The following KIF6 variants were observed in gnomAD, a reference collection of about 807,000 sequenced individuals.
KIF6 encodes kinesin-like protein KIF6.
Under a neutral mutation model 112.7 loss-of-function variants are expected in KIF6, and 106 were observed. The observed-to-expected ratio is 0.94, with a 90% CI of 0.80 to 1.11. KIF6 has a LOEUF of 1.11. KIF6 is among the 50% of genes least tolerant of loss of function. KIF6 has a pLI of 0.00. For missense variants in KIF6, 929 were observed against 964.0 expected (o/e 0.96, Z 0.48); for synonymous variants, 339 against 339.9 (o/e 1.00, Z 0.03).
Position 39,343,067 on chromosome 6 carries a change from G to A in KIF6, c.2428+642C>T, listed in dbSNP as rs1158152131. The A allele has an allele frequency of 2.0e-6, 2 of 985,428 alleles. No homozygotes were observed. Among genetic ancestry groups the A allele is most frequent in the Non-Finnish European group, 2.4e-6 (2 of 829,932 alleles). The allele number at this position is 985,428 out of a possible 1,614,324, so 61.0% of individuals were successfully genotyped here. ...GGGCCCTGGGGCTTGCCCTGTGGGT[G>A]TGTTGGGGATGGAAGGCAGAAAGAG... is the stretch of plus-strand genomic sequence containing the variant. On this transcript the variant is annotated intron_variant, in intron 22 of 22. Coordinates refer to ENST00000287152, the MANE Select transcript of KIF6 (RefSeq NM_145027.6). The surrounding 1 kb of genome is among the most constrained non-coding windows in gnomAD (Gnocchi z 4.1).
At chr6:39,494,480 G>A (rs113423240) in intron 13 of KIF6, among the ~76,000 whole-genome samples, 2 of 152,076 alleles carry the variant, frequency 1.3e-5, no homozygotes, top group South Asian at 4.2e-4. Context: ...CTAGAGAAGA[G>A]GTAGATACTT....
At chr6:39,401,727 GCTA>G (rs1296152045) in intron 15 of KIF6, among the ~76,000 whole-genome samples, 5 of 152,136 alleles carry the variant, frequency 3.3e-5, no homozygotes, top group African/African-American at 1.2e-4. Flanking sequence ...GTGAAGTCAT[GCTA>G]GTGTGCACAT....
intron 13 of KIF6, among the ~76,000 whole-genome samples, chr6:39,443,967 T>C (rs915386199): frequency 3.3e-5 from 5 of 152,248 alleles, no homozygotes; most frequent in Non-Finnish European, 7.3e-5. Context: ...ACAGGCACTG[T>C]TCCATATTTC....
At chr6:39,530,229 C>A (rs1777968559) in intron 13 of KIF6, among the ~76,000 whole-genome samples, 1 of 152,196 alleles carries the variant, frequency 6.6e-6, no homozygotes. Context: ...CAGGCTACAG[C>A]TTTGGCTTTC....
intron 12 of KIF6, among the ~76,000 whole-genome samples, chr6:39,540,814 T>G (rs9357311): frequency 0.043 from 6,614 of 152,328 alleles, 329 homozygotes; most frequent in East Asian, 0.27. Context: ...GTCTCAAATG[T>G]AACAGAAAAG....
chr6:39,593,784 T>C (rs1782083483), intron 7 of KIF6, among the ~76,000 whole-genome samples: 1 of 152,196 alleles, frequency 6.6e-6, no homozygotes, highest in Admixed American at 6.5e-5. Context: ...TTCATTCCTC[T>C]GCGTGGTATC....
chr6:39,453,096 TCCAGAGATGGATCTA>T (rs1772808378), intron 13 of KIF6, among the ~76,000 whole-genome samples: 1 of 152,208 alleles, frequency 6.6e-6, no homozygotes, highest in Non-Finnish European at 1.5e-5. Context: ...ACAAATGTGA[TCCAGAGATGGATCTA>T]CAATGTATGA....
At chr6:39,619,721 G>T (rs968633924) in intron 5 of KIF6, among the ~76,000 whole-genome samples, 7 of 152,132 alleles carry the variant, frequency 4.6e-5, no homozygotes, top group Non-Finnish European at 8.8e-5. Context: ...ACCATACTAG[G>T]TGCAATTAAT....
rs529251571 is a variant in KIF6 at position 39,336,470 on chromosome 6, G to T, written c.*62C>A. The T allele has an allele frequency of 6.6e-7, 1 of 1,518,944 alleles. No homozygotes were observed. 94.1% of individuals were successfully genotyped at this position (1,518,944 alleles called of 1,614,324 possible). ...TCTGAAGCCAGAGCAAGTGAGGGGC[G>T]CTGCCTTCATCTGTGCTTCATTCTT... On this transcript the variant is annotated 3_prime_UTR_variant, in exon 23 of 23. Transcript: ENST00000287152.
chr6:39,344,864 A>G (rs149758415), intron 21 of KIF6, among the ~76,000 whole-genome samples: 5 of 150,668 alleles, frequency 3.3e-5, no homozygotes, highest in African/African-American at 1.0e-4. Flanking sequence ...ACAACTAAAA[A>G]AACTACCTTT....
chr6:39,396,739 AGCACAGTGCCTG>A (rs1768300834), intron 15 of KIF6, among the ~76,000 whole-genome samples: 1 of 152,206 alleles, frequency 6.6e-6, no homozygotes, highest in South Asian at 2.1e-4. Flanking sequence ...TAAAGCCCCC[AGCACAGTGCCTG>A]GCACATTGTA....
chr6:39,560,629 ACTTCT>A (rs2150595388), intron 10 of KIF6, among the ~76,000 whole-genome samples: 1 of 152,236 alleles, frequency 6.6e-6, no homozygotes, highest in Admixed American at 6.5e-5. Context: ...TTACCCCGGC[ACTTCT>A]CTTGTGACAG....
intron 5 of KIF6, among the ~76,000 whole-genome samples, chr6:39,627,541 G>C (rs1044300517): frequency 6.6e-6 from 1 of 152,160 alleles, no homozygotes; most frequent in African/African-American, 2.4e-5. Flanking sequence ...TGAGAGCAGA[G>C]ACTGTGCATT....
At chr6:39,473,770 A>G (rs1562247211) in intron 13 of KIF6, among the ~76,000 whole-genome samples, 2 of 152,196 alleles carry the variant, frequency 1.3e-5, no homozygotes, top group Non-Finnish European at 2.9e-5. Flanking sequence ...TGAAATAGAG[A>G]GCAGGCTTAG....
chr6:39,354,016 G>A, intron 19 of KIF6: 2 of 367,440 alleles, frequency 5.4e-6, no homozygotes, highest in South Asian at 4.6e-5. Context: ...AGCCCAGATT[G>A]ATAGATGACG....
chr6:39,431,334 G>A (rs1200488207), intron 13 of KIF6, 173 bp from the exon 14 acceptor site: 2 of 578,116 alleles, frequency 3.5e-6, no homozygotes, highest in Admixed American at 6.0e-5. Flanking sequence ...ACCTGCTGAG[G>A]AGGCCCTTCC....
At chr6:39,634,322 A>G (rs1784509496) in intron 5 of KIF6, among the ~76,000 whole-genome samples, 1 of 152,178 alleles carries the variant, frequency 6.6e-6, no homozygotes, top group Admixed American at 6.5e-5. Context: ...TAAATTTTGA[A>G]GACGCTATTT....
intron 6 of KIF6, among the ~76,000 whole-genome samples, chr6:39,604,917 T>G (rs1420547916): frequency 2.0e-5 from 3 of 152,140 alleles, no homozygotes; most frequent in Non-Finnish European, 4.4e-5. Context: ...GTTTCCTCTG[T>G]GGATGTCAGG....
chr6:39,490,374 A>T (rs9296300), intron 13 of KIF6, among the ~76,000 whole-genome samples: 40,690 of 152,132 alleles, frequency 0.27, 6,809 homozygotes, highest in African/African-American at 0.47. Flanking sequence ...TATCACATTA[A>T]CACATCTTTA....
Sources: gnomAD v4.1 joint callset for allele counts (sites outside exome capture counted in the v4.1 genomes callset) on GRCh38, gnomAD v4.1.1 for gene constraint, Gnocchi (gnomAD v3.1) non-coding constraint, MANE v1.5 for transcripts, NCBI Gene and HGNC (gene_info 2026-07-23, HGNC 2026-07-21) for gene names.